The following RIMKLB variants were observed in gnomAD, a reference collection of about 807,000 sequenced individuals.
RIMKLB encodes the protein ribosomal modification protein rimK like family member B, also known as beta-citrylglutamate synthase B.
RIMKLB carries 7 observed loss-of-function variants against 32.0 expected under a neutral mutation model. That is an observed-to-expected ratio of 0.22 (90% CI 0.12 to 0.41). The LOEUF is 0.41. RIMKLB is among the 10% of genes least tolerant of loss of function. The pLI, the probability that RIMKLB is intolerant of heterozygous loss-of-function variation, is 1.00. For missense variants in RIMKLB, 289 were observed against 498.7 expected, an observed-to-expected ratio of 0.58 and a Z score of 4.00; for synonymous variants, 172 against 185.1, an observed-to-expected ratio of 0.93 and a Z score of 0.57.
chr12:8,766,975 C>T (rs998536822), intron 5 of RIMKLB, among the ~76,000 whole-genome samples: 1 of 152,194 alleles, frequency 6.6e-6, no homozygotes, highest in African/African-American at 2.4e-5. Context: ...TTGCCGCTAC[C>T]GACTGAATGC....
intron 2 of RIMKLB, among the ~76,000 whole-genome samples, chr12:8,716,190 C>T (rs1005242202): frequency 4.6e-5 from 7 of 152,074 alleles, no homozygotes; most frequent in African/African-American, 1.7e-4. Context: ...TAGAAATGGG[C>T]ATCTCTATTT....
At chr12:8,701,611 T>C (rs901876857) in intron 1 of RIMKLB, among the ~76,000 whole-genome samples, 3 of 151,950 alleles carry the variant, frequency 2.0e-5, no homozygotes, top group African/African-American at 7.2e-5. Context: ...GGATCAGTTA[T>C]ATGACCGTTA....
intron 2 of RIMKLB, chr12:8,742,478 C>A: frequency 2.4e-6 from 1 of 416,584 alleles, no homozygotes; most frequent in South Asian, 1.8e-5. Flanking sequence ...AGGAGGATGT[C>A]CTCAAGTTCC....
the RIMKLB span, among the ~76,000 whole-genome samples, chr12:8,676,398 T>C: frequency 3.4e-5 from 4 of 119,050 alleles, no homozygotes; most frequent in African/African-American, 1.3e-4. Flanking sequence ...TTTTTTTTTT[T>C]TTTTTTTTTT....
chr12:8,737,704 G>T (rs934996308), intron 2 of RIMKLB, among the ~76,000 whole-genome samples: 2 of 152,012 alleles, frequency 1.3e-5, no homozygotes, highest in Non-Finnish European at 2.9e-5. Context: ...TGTAAGGAAG[G>T]ATTTTCTCTC....
At position 8,753,781 on chromosome 12, in the gene RIMKLB, T is replaced by A. The variant is rs1386526323; in HGVS notation, c.494-109T>A. 9.9e-6 allele frequency: 8 copies of A among 806,782 alleles called. No individual in the cohort carries two copies. The East Asian group carries it at 1.3e-4, about 14-fold the overall frequency. The allele number at this position is 806,782 out of a possible 1,614,324, so 50.0% of individuals were successfully genotyped here. On this transcript the variant is annotated intron_variant, in intron 4 of 5. Transcript: ENST00000535829. Reference sequence around the variant, plus strand: ...TAACAAAGAAAACTTAAAAAAAAAATGTAGTTGGTTCTGAAATAGCAGATT... The same window carrying A: ...TAACAAAGAAAACTTAAAAAAAAAAAGTAGTTGGTTCTGAAATAGCAGATT...
At chr12:8,676,217 C>G in the RIMKLB span, among the ~76,000 whole-genome samples, 1 of 151,450 alleles carries the variant, frequency 6.6e-6, no homozygotes, top group Non-Finnish European at 1.5e-5. Context: ...GGACCACAAG[C>G]GTATACCACC....
intron 2 of RIMKLB, among the ~76,000 whole-genome samples, chr12:8,724,576 TGTG>T (rs1237283425): frequency 4.6e-5 from 7 of 152,220 alleles, no homozygotes; most frequent in Non-Finnish European, 8.8e-5. Context: ...TTCTGTATGG[TGTG>T]GTGTCTGAGT....
chr12:8,671,391 C>T, the RIMKLB span, among the ~76,000 whole-genome samples: 7 of 151,926 alleles, frequency 4.6e-5, no homozygotes, highest in Admixed American at 3.3e-4. Flanking sequence ...GCTGAGATTA[C>T]AGTCATGTGC....
At chr12:8,688,283 G>A (rs143999476) in intron 1 of RIMKLB, among the ~76,000 whole-genome samples, 192 of 152,270 alleles carry the variant, frequency 1.3e-3, no homozygotes, top group African/African-American at 4.5e-3. Flanking sequence ...TCTGATTCCA[G>A]CTCTGAAAGT....
chr12:8,718,669 A>G (rs11046916), intron 2 of RIMKLB, among the ~76,000 whole-genome samples: 56,871 of 115,306 alleles, frequency 0.49, 12,003 homozygotes, highest in East Asian at 0.62. Flanking sequence ...ATATATATAT[A>G]TGTGTGTGTG....
chr12:8,731,455 G>T (rs911299588), intron 2 of RIMKLB, among the ~76,000 whole-genome samples: 16 of 145,106 alleles, frequency 1.1e-4, no homozygotes, highest in South Asian at 2.2e-4. Context: ...CCTGGTGGTG[G>T]TTTTTTTTTT....
intron 2 of RIMKLB, among the ~76,000 whole-genome samples, chr12:8,732,602 A>C (rs1056270996): frequency 2.6e-5 from 4 of 152,352 alleles, no homozygotes; most frequent in African/African-American, 7.2e-5. Flanking sequence ...ACATTTTAAC[A>C]TTAATAACTA....
Position 8,774,381 on chromosome 12 carries a change from C to T in RIMKLB, c.*597C>T, listed in dbSNP as rs760547742. 1.0e-6 allele frequency: 1 copy of T among 985,448 alleles called. No individual in the cohort carries two copies. The highest frequency in any genetic ancestry group is 4.7e-5 in the South Asian group (1 of 21,268). The allele number at this position is 985,448 out of a possible 1,614,324, so 61.0% of individuals were successfully genotyped here. ...GTGGGAGGTCAAATTGAATATAACC[C>T]AATAAAGGCTTCTTAATGACAAAAT... is the stretch of plus-strand genomic sequence containing the variant. On this transcript the variant is annotated 3_prime_UTR_variant, in exon 6 of 6. Coordinates refer to ENST00000535829, the MANE Select transcript of RIMKLB (RefSeq NM_001297776.2).
downstream of RIMKLB, among the ~76,000 whole-genome samples, chr12:8,781,543 T>C (rs1004958149): frequency 1.3e-5 from 2 of 152,200 alleles, no homozygotes; most frequent in African/African-American, 4.8e-5. Context: ...CACCTTTCTC[T>C]CTTGCTTATC....
At chr12:8,769,176 CAAAGTAGTTA>C (rs138444786) in intron 5 of RIMKLB, among the ~76,000 whole-genome samples, 187 of 152,250 alleles carry the variant, frequency 1.2e-3, no homozygotes, top group African/African-American at 4.2e-3. Context: ...TTTGCAACCT[CAAAGTAGTTA>C]ATATTCTTTT....
At chr12:8,769,737 C>T (rs1223609655) in intron 5 of RIMKLB, among the ~76,000 whole-genome samples, 1 of 152,098 alleles carries the variant, frequency 6.6e-6, no homozygotes, top group Non-Finnish European at 1.5e-5. Flanking sequence ...TCTACAGTTA[C>T]TTGAGAAGAT....
the RIMKLB span, among the ~76,000 whole-genome samples, chr12:8,672,251 CT>C: frequency 6.6e-6 from 1 of 152,194 alleles, no homozygotes; most frequent in Non-Finnish European, 1.5e-5. Flanking sequence ...ATTTTTCTAT[CT>C]TCTTCTGAAC....
At chr12:8,707,827 T>C (rs1020465689) in intron 1 of RIMKLB, among the ~76,000 whole-genome samples, 1 of 152,208 alleles carries the variant, frequency 6.6e-6, no homozygotes, top group East Asian at 1.9e-4. Context: ...TATCACACTT[T>C]TAAGAGACAC....
Sources: gnomAD v4.1 joint callset for allele counts (sites outside exome capture counted in the v4.1 genomes callset) on GRCh38, gnomAD v4.1.1 for gene constraint, MANE v1.5 for transcripts, NCBI Gene and HGNC (gene_info 2026-07-23, HGNC 2026-07-21) for gene names.